Variants in RAD9B observed in about 807,000 individuals in gnomAD.
RAD9B encodes RAD9 checkpoint clamp component B.
RAD9B carries 41 observed loss-of-function variants against 48.3 expected under a neutral mutation model. The ratio of observed to expected loss-of-function variants is 0.85; its 90% CI spans 0.66 to 1.10. The LOEUF (loss-of-function observed/expected upper bound fraction) is 1.10, where lower values mean the gene tolerates loss of function less well. Ranked by LOEUF, RAD9B falls within the 50% of genes least tolerant of loss-of-function variation. The probability of loss-of-function intolerance (pLI) is 0.00; values close to 1 mark genes in which losing one functional copy is unlikely to be tolerated. For missense variants in RAD9B, 444 were observed against 485.1 expected, an observed-to-expected ratio of 0.92 and a Z score of 0.80; for synonymous variants, 160 against 157.9, an observed-to-expected ratio of 1.01 and a Z score of -0.10.
In RAD9B at chr12:110,507,907, C is replaced by T. The variant is rs535517746; in HGVS notation, c.388+1214C>T. 3.3e-5 allele frequency among the ~76,000 whole-genome samples: 5 copies of T among 152,004 alleles called. No individual in the cohort carries two copies. In the East Asian group the frequency reaches 7.7e-4, roughly 23 times the overall value. ...TCAGATGATCTGCCGGCCTTGACCT[C>T]CCAAAGTGCTGGGATTGCAGGTGTG... On this transcript the variant is annotated intron_variant, in intron 4 of 10. Coordinates refer to ENST00000409300, the MANE Select transcript of RAD9B (RefSeq NM_001286535.2).
At chr12:110,527,399 G>C (rs1176103966) in intron 10 of RAD9B, among the ~76,000 whole-genome samples, 1 of 152,172 alleles carries the variant, frequency 6.6e-6, no homozygotes, top group Non-Finnish European at 1.5e-5. Context: ...AGAGGTTCAT[G>C]GGCTTAGTAC....
intron 10 of RAD9B, among the ~76,000 whole-genome samples, chr12:110,529,635 A>G (rs947646673): frequency 2.6e-5 from 4 of 151,968 alleles, no homozygotes; most frequent in Non-Finnish European, 5.9e-5. Flanking sequence ...CTGTAGTTAC[A>G]GCTACTCCAG....
At position 110,506,664 on chromosome 12, in the gene RAD9B, A is replaced by C; in HGVS notation, c.359A>C (p.Lys120Thr). 6.3e-7 allele frequency: 1 copy of C among 1,580,094 alleles called. No homozygotes were observed. The highest frequency in any genetic ancestry group is 2.2e-5 in the East Asian group (1 of 44,600). ...CRIFTRSDKC[K>T]VVIQFFYRHG... ...ATATTCACCAGATCTGATAAATGCAAAGTAGTTATTCAATTCTTCTACAGA... is the reference window on the plus strand; with the variant it reads ...ATATTCACCAGATCTGATAAATGCACAGTAGTTATTCAATTCTTCTACAGA... The change falls in exon 4 of 11, where the codon AAA (lysine) becomes ACA (threonine). Residue 120 changes from lysine to threonine, a missense_variant. Lys to Thr is a moderately conservative substitution (Grantham distance 78, BLOSUM62 -1). Coordinates refer to ENST00000409300, the MANE Select transcript of RAD9B (RefSeq NM_001286535.2).
rs1181480780 is a variant in RAD9B at position 110,522,262 on chromosome 12, C to A, written c.976C>A (p.Leu326Ile). Reference protein sequence around the residue: ...CISKKAAPRRLYPKETLTNIS... With the variant: ...CISKKAAPRRIYPKETLTNIS... Reference sequence around the variant, plus strand: ...TTCAAAAAAAGCAGCACCAAGAAGGCTTTATCCTAAGGAGACTCTCACAAA... The same window carrying A: ...TTCAAAAAAAGCAGCACCAAGAAGGATTTATCCTAAGGAGACTCTCACAAA... The change falls in exon 10 of 11, where the codon CTT becomes ATT. Residue 326 changes from leucine to isoleucine, a missense_variant. Leu to Ile is a conservative substitution (Grantham distance 5). Coordinates refer to ENST00000409300, the MANE Select transcript of RAD9B (RefSeq NM_001286535.2). The A allele has an allele frequency of 6.2e-7, 1 of 1,612,560 alleles. No homozygotes were observed. The highest frequency in any genetic ancestry group is 1.7e-5 in the Admixed American group (1 of 59,826).
In RAD9B at chr12:110,531,858, A is replaced by T. The variant is rs540284737; in HGVS notation, c.*1205A>T. 4.0e-6 allele frequency: 2 copies of T among 495,802 alleles called. No individual in the cohort carries two copies. Among genetic ancestry groups the T allele is most frequent in the South Asian group, 5.6e-5 (2 of 35,824 alleles). 30.7% of individuals were successfully genotyped at this position (495,802 alleles called of 1,614,324 possible). ...ACCTGACAAACGAGACTTTTGTAAC[A>T]TATTATTGTTACATCTTTCTGAAAC... On this transcript the variant is annotated 3_prime_UTR_variant, in exon 11 of 11. Transcript: ENST00000409300.
At chr12:110,527,707 T>C (rs2063990158) in intron 10 of RAD9B, among the ~76,000 whole-genome samples, 1 of 152,198 alleles carries the variant, frequency 6.6e-6, no homozygotes, top group African/African-American at 2.4e-5. Context: ...GACTAGGGTA[T>C]AGGTATAACA....
At position 110,512,835 on chromosome 12, in the gene RAD9B, T is replaced by G; in HGVS notation, c.445T>G (p.Phe149Val). The change falls in exon 5 of 11, where the codon TTT (phenylalanine) becomes GTT (valine). Residue 149 changes from phenylalanine to valine, a missense_variant. By Grantham distance (50) the Phe-to-Val change is conservative. Coordinates refer to ENST00000409300, the MANE Select transcript of RAD9B (RefSeq NM_001286535.2). Reference sequence around the variant, plus strand: ...AGAAAGTCAGCCTTTGCAAGTTATTTTTGACAAGAATGTTTGTACTAATAC... The same window carrying G: ...AGAAAGTCAGCCTTTGCAAGTTATTGTTGACAAGAATGTTTGTACTAATAC... ...FQESQPLQVIFDKNVCTNTLM... is the reference protein window; with the variant it reads ...FQESQPLQVIVDKNVCTNTLM... 1 of 1,549,974 alleles carries G rather than the reference T, an allele frequency of 6.5e-7. No individual in the cohort carries two copies. The highest frequency in any genetic ancestry group is 8.8e-7 in the Non-Finnish European group (1 of 1,133,354).
chr12:110,529,317 G>A (rs1429299999), intron 10 of RAD9B, among the ~76,000 whole-genome samples: 4 of 151,302 alleles, frequency 2.6e-5, no homozygotes, highest in Admixed American at 2.0e-4. Context: ...CTAATTTTTT[G>A]TATTTTTAGT....
At chr12:110,525,210 C>T (rs573785436) in intron 10 of RAD9B, among the ~76,000 whole-genome samples, 43 of 152,114 alleles carry the variant, frequency 2.8e-4, no homozygotes, top group African/African-American at 8.7e-4. Context: ...AGGATGGTCT[C>T]GATCTCCCGA....
intron 4 of RAD9B, among the ~76,000 whole-genome samples, chr12:110,512,078 C>T (rs1455662204): frequency 6.6e-6 from 1 of 151,856 alleles, no homozygotes; most frequent in African/African-American, 2.4e-5. Flanking sequence ...ATCTCCTGAC[C>T]TCATGATCCG....
chr12:110,508,301 G>A (rs1036534297), intron 4 of RAD9B, among the ~76,000 whole-genome samples: 2 of 152,150 alleles, frequency 1.3e-5, no homozygotes, highest in African/African-American at 2.4e-5. Flanking sequence ...AGTACATACC[G>A]CAGTACCTGC....
At position 110,531,641 on chromosome 12, in the gene RAD9B, A is replaced by G. The variant is rs753917349; in HGVS notation, c.*988A>G. On this transcript the variant is annotated 3_prime_UTR_variant, in exon 11 of 11. Transcript: ENST00000409300. ...TCTGTATTATCTGACATAGAACAGTATCCTCCACTGCCAAGACAGCCTGAG... is the reference window on the plus strand; with the variant it reads ...TCTGTATTATCTGACATAGAACAGTGTCCTCCACTGCCAAGACAGCCTGAG... The G allele has an allele frequency of 1.2e-6, 2 of 1,609,590 alleles. No homozygotes were observed. Among genetic ancestry groups the G allele is most frequent in the Admixed American group, 1.7e-5 (1 of 59,886 alleles).
At chr12:110,511,625 G>A (rs768015839) in intron 4 of RAD9B, 2 of 265,998 alleles carry the variant, frequency 7.5e-6, no homozygotes, top group Non-Finnish European at 1.6e-5. Context: ...CAAACATACA[G>A]TTAGGTAGAA....
intron 10 of RAD9B, among the ~76,000 whole-genome samples, chr12:110,530,114 C>T (rs912093431): frequency 1.3e-5 from 2 of 152,158 alleles, no homozygotes; most frequent in African/African-American, 4.8e-5. Context: ...ACGATCTCGG[C>T]TCACTGCAAG....
At chr12:110,523,765 C>T (rs751715994) in intron 10 of RAD9B, among the ~76,000 whole-genome samples, 11 of 152,182 alleles carry the variant, frequency 7.2e-5, no homozygotes, top group African/African-American at 9.7e-5. Context: ...GAGAAAATGA[C>T]ATTTAGAACT....
chr12:110,507,085 C>T (rs1481284790), intron 4 of RAD9B, among the ~76,000 whole-genome samples: 1 of 151,974 alleles, frequency 6.6e-6, no homozygotes, highest in African/African-American at 2.4e-5. Flanking sequence ...GGTGATCTGC[C>T]CACCTGCCTC....
chr12:110,521,555 C>CTTTTTT (rs577675171), intron 9 of RAD9B, among the ~76,000 whole-genome samples: 2 of 126,606 alleles, frequency 1.6e-5, no homozygotes, highest in African/African-American at 6.2e-5. Flanking sequence ...AAACATAATT[C>CTTTTTT]TTTTTTTTTT....
intron 10 of RAD9B, among the ~76,000 whole-genome samples, chr12:110,523,815 A>G (rs1355250178): frequency 6.6e-6 from 1 of 152,146 alleles, no homozygotes; most frequent in Non-Finnish European, 1.5e-5. Context: ...CTTTACTCCA[A>G]ATTTCCTATT....
intron 5 of RAD9B, among the ~76,000 whole-genome samples, chr12:110,513,079 C>T (rs1003916762): frequency 6.6e-6 from 1 of 151,992 alleles, no homozygotes; most frequent in Non-Finnish European, 1.5e-5. Context: ...CAGTCTCCTG[C>T]CTCAGCCTCC....
Sources: allele counts gnomAD v4.1 joint callset (sites outside exome capture counted in the v4.1 genomes callset), GRCh38; gene constraint gnomAD v4.1.1; transcripts MANE v1.5; gene names NCBI Gene and HGNC (gene_info 2026-07-23, HGNC 2026-07-21).